NCAM2: variants seen among roughly 807,000 people sequenced by gnomAD.
The protein encoded by NCAM2 is N-CAM-2.
A neutral mutation model predicts 98.1 loss-of-function variants in NCAM2; 30 were observed. The observed-to-expected ratio is 0.31, with a 90% CI of 0.23 to 0.41. NCAM2 has a LOEUF of 0.41. Ranked by LOEUF, NCAM2 falls within the 10% of genes least tolerant of loss-of-function variation. The probability of loss-of-function intolerance (pLI) is 1.00; values close to 1 mark genes in which losing one functional copy is unlikely to be tolerated. For synonymous variants in NCAM2, 368 were observed against 342.4 expected (o/e 1.07, Z -0.83); for missense variants, 867 against 1,005.8 (o/e 0.86, Z 1.87).
chr21:21,009,804 G>T (rs1031012009), intron 1 of NCAM2, among the ~76,000 whole-genome samples: 1 of 151,504 alleles, frequency 6.6e-6, no homozygotes, highest in Admixed American at 6.6e-5. Flanking sequence ...TAGTTTTTAA[G>T]AGATACTTTA....
intron 1 of NCAM2, among the ~76,000 whole-genome samples, chr21:21,205,367 G>A (rs1046041123): frequency 3.3e-5 from 5 of 152,050 alleles, no homozygotes; most frequent in African/African-American, 9.7e-5. Flanking sequence ...ATACTACTGC[G>A]TACCAGTGGA....
At chr21:21,157,334 G>A (rs933588668) in intron 1 of NCAM2, among the ~76,000 whole-genome samples, 7 of 152,134 alleles carry the variant, frequency 4.6e-5, no homozygotes, top group African/African-American at 1.4e-4. Flanking sequence ...ATTTTTCCTT[G>A]GCTGCTGCAC....
chr21:21,462,406 G>T lies in NCAM2; in HGVS notation c.1655-4200G>T, dbSNP rs1983100531. On this transcript the variant is annotated intron_variant, in intron 12 of 17. Coordinates refer to ENST00000400546, the MANE Select transcript of NCAM2 (RefSeq NM_004540.5). ...TTAGTTACCAAATATGTATTTAGTT[G>T]ATGTCGTTGCTGCAATTGTTGTAAA... is the stretch of plus-strand genomic sequence containing the variant. 3.9e-5 allele frequency among the ~76,000 whole-genome samples: 6 copies of T among 152,008 alleles called. No homozygotes were observed. In the South Asian group the frequency reaches 1.2e-3, roughly 31 times the overall value.
chr21:21,065,173 C>T (rs1198294167), intron 1 of NCAM2, among the ~76,000 whole-genome samples: 1 of 151,800 alleles, frequency 6.6e-6, no homozygotes, highest in Non-Finnish European at 1.5e-5. Flanking sequence ...GAGTAAGACT[C>T]TCTCTCAAAA....
intron 10 of NCAM2, among the ~76,000 whole-genome samples, chr21:21,412,630 A>C (rs1454547116): frequency 6.6e-6 from 1 of 152,180 alleles, no homozygotes. Context: ...TCCAAAATAA[A>C]ATTTTAAAAA....
At chr21:21,336,252 T>G (rs1470057537) in intron 7 of NCAM2, among the ~76,000 whole-genome samples, 1 of 152,118 alleles carries the variant, frequency 6.6e-6, no homozygotes, top group Admixed American at 6.6e-5. Flanking sequence ...CTAATAGAAT[T>G]TTTCCCTTTA....
chr21:21,389,770 A>G (rs1420574617), intron 9 of NCAM2, among the ~76,000 whole-genome samples: 1 of 152,186 alleles, frequency 6.6e-6, no homozygotes, highest in Non-Finnish European at 1.5e-5. Context: ...TTATGGCTGA[A>G]TAACATTCCA....
chr21:21,041,350 C>A (rs948227110), intron 1 of NCAM2, among the ~76,000 whole-genome samples: 16 of 152,126 alleles, frequency 1.1e-4, no homozygotes, highest in Admixed American at 3.3e-4. Flanking sequence ...AATTTTTTCA[C>A]TCATTAATTG....
chr21:21,360,929 A>T (rs1480095148), intron 8 of NCAM2, among the ~76,000 whole-genome samples: 2 of 151,992 alleles, frequency 1.3e-5, no homozygotes, highest in Admixed American at 1.3e-4. Context: ...TACTTCATAA[A>T]TTTTTATCTA....
chr21:21,274,181 A>T lies in NCAM2; in HGVS notation c.56-6397A>T, dbSNP rs796087353. 4.6e-3 allele frequency among the ~76,000 whole-genome samples: 693 copies of T among 150,794 alleles called. 3 individuals carry two copies. The highest frequency in any genetic ancestry group is 6.8e-3 in the Middle Eastern group (2 of 294). ...ACTCTGTCTGAAAAAAAAAAAAAAA[A>T]ATTTTAATCACTTAGCCCTAGAAGG... On this transcript the variant is annotated intron_variant, in intron 1 of 17. Coordinates refer to ENST00000400546, the MANE Select transcript of NCAM2 (RefSeq NM_004540.5).
intron 1 of NCAM2, among the ~76,000 whole-genome samples, chr21:21,117,669 C>CT (rs2066591795): frequency 1.3e-5 from 2 of 152,108 alleles, no homozygotes; most frequent in Non-Finnish European, 1.5e-5. Flanking sequence ...AGATTCTACT[C>CT]TTTCATTATT....
intron 1 of NCAM2, among the ~76,000 whole-genome samples, chr21:21,203,237 G>C (rs944080691): frequency 1.3e-5 from 2 of 152,048 alleles, no homozygotes; most frequent in African/African-American, 4.8e-5. Flanking sequence ...TAAATTAATT[G>C]GCTCCTTTTA....
intron 1 of NCAM2, among the ~76,000 whole-genome samples, chr21:21,268,943 A>G (rs2072394003): frequency 6.6e-6 from 1 of 152,136 alleles, no homozygotes; most frequent in Non-Finnish European, 1.5e-5. Context: ...AGAAACAAAT[A>G]AACCTGAACC....
chr21:21,101,141 T>G (rs1040516823), intron 1 of NCAM2, among the ~76,000 whole-genome samples: 1 of 152,038 alleles, frequency 6.6e-6, no homozygotes, highest in Non-Finnish European at 1.5e-5. Context: ...TGCAGTGTTT[T>G]CATGTGCATT....
At chr21:21,250,639 C>G (rs542835145) in intron 1 of NCAM2, among the ~76,000 whole-genome samples, 2 of 152,092 alleles carry the variant, frequency 1.3e-5, no homozygotes, top group East Asian at 3.9e-4. Flanking sequence ...ATGTTTTTTT[C>G]AAATTAAAAT....
At chr21:21,287,180 G>A (rs2073133101) in intron 4 of NCAM2, among the ~76,000 whole-genome samples, 2 of 151,900 alleles carry the variant, frequency 1.3e-5, no homozygotes, top group African/African-American at 4.8e-5. Context: ...CAATGCACCT[G>A]CACAGCAGAG....
chr21:21,415,396 C>T (rs76875615), intron 10 of NCAM2, among the ~76,000 whole-genome samples: 2,506 of 128,060 alleles, frequency 0.02, 71 homozygotes, highest in East Asian at 0.15. Flanking sequence ...TGTGTAGTGG[C>T]GCGATCTCGG....
At chr21:21,084,766 G>C (rs2065875634) in intron 1 of NCAM2, among the ~76,000 whole-genome samples, 1 of 152,080 alleles carries the variant, frequency 6.6e-6, no homozygotes, top group Non-Finnish European at 1.5e-5. Flanking sequence ...CAATTGTCTT[G>C]TAAGGCACTG....
chr21:21,507,327 T>C (rs2146350014), intron 15 of NCAM2, among the ~76,000 whole-genome samples: 1 of 152,244 alleles, frequency 6.6e-6, no homozygotes, highest in South Asian at 2.1e-4. Context: ...ATAGGAAAAC[T>C]TTTTATACAT....
Sources: allele counts gnomAD v4.1 joint callset (sites outside exome capture counted in the v4.1 genomes callset), GRCh38; gene constraint gnomAD v4.1.1; transcripts MANE v1.5; gene names NCBI Gene and HGNC (gene_info 2026-07-23, HGNC 2026-07-21).